The following ADAM8 variants were observed in gnomAD, a reference collection of about 807,000 sequenced individuals.
The protein encoded by ADAM8 is ADAM metallopeptidase domain 8.
In ADAM8, 104 loss-of-function variants were observed where a neutral mutation model predicts 102.4. The ratio of observed to expected loss-of-function variants is 1.02; its 90% CI spans 0.87 to 1.20. ADAM8 has a LOEUF of 1.20. Ranked by LOEUF, ADAM8 falls within the 50% of genes most tolerant of loss-of-function variation. ADAM8 has a pLI of 0.00. For synonymous variants in ADAM8, 517 were observed against 485.2 expected, an observed-to-expected ratio of 1.07 and a Z score of -0.86; for missense variants, 1,132 against 1,159.0, an observed-to-expected ratio of 0.98 and a Z score of 0.34.
At chr10:133,271,491 C>A in intron 12 of ADAM8, 37 bp downstream of exon 12, 1 of 1,522,894 alleles carries the variant, frequency 6.6e-7, no homozygotes, top group Non-Finnish European at 8.9e-7. Context: ...TTGTGGCACC[C>A]AGTGCTGACG....
intron 21 of ADAM8, among the ~76,000 whole-genome samples, chr10:133,264,887 G>C (rs1280885015): frequency 7.5e-6 from 1 of 132,672 alleles, no homozygotes; most frequent in Non-Finnish European, 1.6e-5. Context: ...TGCAGCCTCT[G>C]CCCCATCTAC....
intron 2 of ADAM8, 83 bp from the exon 3 acceptor site, chr10:133,274,318 T>TG (rs1021122398): frequency 3.5e-5 from 42 of 1,185,602 alleles, no homozygotes; most frequent in African/African-American, 3.1e-4. Flanking sequence ...GAAGCTCAGC[T>TG]GGGGGGGAAG....
intron 21 of ADAM8, among the ~76,000 whole-genome samples, chr10:133,265,715 A>G (rs1417135624): frequency 1.3e-5 from 2 of 151,966 alleles, no homozygotes; most frequent in Admixed American, 6.6e-5. Context: ...GGAGAATGGC[A>G]TGAACCTGAG....
chr10:133,263,582 T>A (rs1305433411), intron 22 of ADAM8, 106 bp downstream of exon 22: 2 of 88,698 alleles, frequency 2.3e-5, no homozygotes, highest in Non-Finnish European at 3.3e-5. Flanking sequence ...CCACAGATAA[T>A]CAGAAAAAAA....
intron 20 of ADAM8, 42 bp from the exon 21 acceptor site, chr10:133,267,459 C>T (rs952071592): frequency 1.2e-5 from 19 of 1,557,034 alleles, no homozygotes; most frequent in Non-Finnish European, 1.7e-5. Context: ...GAGCTGGGAC[C>T]CCCGTGCCCC....
At position 133,270,412 on chromosome 10, in the gene ADAM8, T is replaced by A. The variant is rs771599460; in HGVS notation, c.1733A>T (p.Asp578Val). ...VDVCHALTTE[D>V]GTAYEPVPEG... is the part of the protein sequence containing the mutation. ...GGGCACTGGTTCATACGCAGTGCCA[T>A]CCTCTGTGGTGAGCGCGTGGCACAC... is the stretch of plus-strand genomic sequence containing the variant. Residue 578 changes from aspartate to valine, a missense_variant, in exon 16 of 23, where the codon GAT becomes GTT. Physicochemically the swap from Asp to Val is radical, Grantham distance 152. Coordinates refer to ENST00000445355, the MANE Select transcript of ADAM8 (RefSeq NM_001109.5). 4.4e-6 allele frequency: 7 copies of A among 1,602,220 alleles called. 1 individual carries two copies. In the South Asian group the frequency reaches 7.7e-5, roughly 18 times the overall value.
chr10:133,271,608 G>A lies in ADAM8; in HGVS notation c.1204C>T (p.Leu402Phe), dbSNP rs909872195. ...ACGGGGCCGCCCACCAGGTGGCTGA[G>A]GTCAGGGGCGTTGGCGAGGCACACC... ...QSVCLANAPD[L>F]SHLVGGPVCG... Residue 402 changes from leucine (L) to phenylalanine (F), a missense_variant, in exon 12 of 23, where the codon CTC becomes TTC. Physicochemically the swap from Leu to Phe is conservative, Grantham distance 22 (BLOSUM62 0). Coordinates refer to ENST00000445355, the MANE Select transcript of ADAM8 (RefSeq NM_001109.5). 6 of 1,557,190 alleles carry A rather than the reference G, an allele frequency of 3.9e-6. No individual in the cohort carries two copies. The African/African-American group carries it at 4.1e-5, about 11-fold the overall frequency.
chr10:133,268,227 A>G lies in ADAM8; in HGVS notation c.2064-109T>C, dbSNP rs1247296942. 1.9e-5 allele frequency: 20 copies of G among 1,036,820 alleles called. 1 individual carries two copies. Among genetic ancestry groups the G allele is most frequent in the Non-Finnish European group, 2.5e-5 (20 of 795,668 alleles). 64.2% of individuals were successfully genotyped at this position (1,036,820 alleles called of 1,614,324 possible). On this transcript the variant is annotated intron_variant, in intron 19 of 22. Coordinates refer to ENST00000445355, the MANE Select transcript of ADAM8 (RefSeq NM_001109.5). ...AGCCGACCCGAGAGGCTTCAGGGCG[A>G]GAGGTTGTGGCCATGAGAGACAGAC...
intron 4 of ADAM8, 51 bp downstream of exon 4, chr10:133,273,895 CGGGGA>C: frequency 6.4e-7 from 1 of 1,553,548 alleles, no homozygotes; most frequent in Non-Finnish European, 8.7e-7. Context: ...CCCACAGGCT[CGGGGA>C]GGGCCGCCCA....
At chr10:133,273,586 G>A in intron 5 of ADAM8, 143 bp from the exon 6 acceptor site, 1 of 1,266,344 alleles carries the variant, frequency 7.9e-7, no homozygotes, top group South Asian at 1.5e-5. Flanking sequence ...AGGCCCCAGG[G>A]TACAGGAGGG....
chr10:133,269,612 C>A (rs1420671472), intron 17 of ADAM8, 83 bp from the exon 18 acceptor site: 2 of 1,359,924 alleles, frequency 1.5e-6, no homozygotes, highest in East Asian at 2.5e-5. Flanking sequence ...ATGAGGGCCC[C>A]GGGCCAGCCC....
At position 133,267,426 on chromosome 10, in the gene ADAM8, G is replaced by GAC; in HGVS notation, c.2254-11_2254-10dup. 1 of 1,605,392 alleles carries GAC rather than the reference G, an allele frequency of 6.2e-7. No individual in the cohort carries two copies. The highest frequency in any genetic ancestry group is 8.5e-7 in the Non-Finnish European group (1 of 1,177,430). On this transcript the variant is annotated splice_polypyrimidine_tract_variant and intron_variant, in intron 20 of 22. Coordinates refer to ENST00000445355, the MANE Select transcript of ADAM8 (RefSeq NM_001109.5). Reference sequence around the variant, plus strand: ...GACACAGTGACCGGAGGCTGGAGGAGACAGGGCCGAGAGCCTGGGTCAGAG... The same window carrying GAC: ...GACACAGTGACCGGAGGCTGGAGGAGACACAGGGCCGAGAGCCTGGGTCAGAG...
At chr10:133,271,426 C>A in intron 12 of ADAM8, 102 bp downstream of exon 12, 1 of 1,471,364 alleles carries the variant, frequency 6.8e-7, no homozygotes. Flanking sequence ...ACCCACAGAG[C>A]CCCAAGTTCC....
Position 133,274,146 on chromosome 10 carries a change from G to C in ADAM8, c.227+13C>G. 4 of 1,584,354 alleles carry C rather than the reference G, an allele frequency of 2.5e-6. No individual in the cohort carries two copies. The highest frequency in any genetic ancestry group is 2.6e-6 in the Non-Finnish European group (3 of 1,164,846). Reference sequence around the variant, plus strand: ...CAGGCCCGGGCAGGGGGGCCGACCCGAGACCCACTCACCTGTTCTTCCGCA... The same window carrying C: ...CAGGCCCGGGCAGGGGGGCCGACCCCAGACCCACTCACCTGTTCTTCCGCA... On this transcript the variant is annotated intron_variant, in intron 3 of 22. Coordinates refer to ENST00000445355, the MANE Select transcript of ADAM8 (RefSeq NM_001109.5).
At chr10:133,266,711 C>G (rs1033612715) in intron 21 of ADAM8, among the ~76,000 whole-genome samples, 25 of 152,316 alleles carry the variant, frequency 1.6e-4, no homozygotes, top group African/African-American at 5.8e-4. Flanking sequence ...GCTGCCCTAG[C>G]TGAGTCAGTG....
rs538975173 is a variant in ADAM8, at chr10:133,267,590, T to G, written c.2254-173A>C. ...CCCGCCCCATTCCTCCCCTCAGCCGTGTGATCCCGAGCTGGGGGCCGGAGA... is the reference window on the plus strand; with the variant it reads ...CCCGCCCCATTCCTCCCCTCAGCCGGGTGATCCCGAGCTGGGGGCCGGAGA... On this transcript the variant is annotated intron_variant, in intron 20 of 22. Coordinates refer to ENST00000445355, the MANE Select transcript of ADAM8 (RefSeq NM_001109.5). Among the ~76,000 whole-genome samples the G allele has an allele frequency of 3.3e-5, 5 of 152,244 alleles. No individual in the cohort carries two copies. In the South Asian group the frequency reaches 1.0e-3, roughly 32 times the overall value.
chr10:133,273,281 C>A lies in ADAM8; in HGVS notation c.546G>T (p.Thr182=), dbSNP rs778121172. 2 of 1,599,728 alleles carry A rather than the reference C, an allele frequency of 1.3e-6. No individual in the cohort carries two copies. Among genetic ancestry groups the A allele is most frequent in the Non-Finnish European group, 8.5e-7 (1 of 1,174,676 alleles). The change falls in exon 6 of 23, where the codon ACG becomes ACT. Residue 182 remains threonine (T), a synonymous_variant. Coordinates refer to ENST00000445355, the MANE Select transcript of ADAM8 (RefSeq NM_001109.5). ...DSLGSLLGPR[T]AAVFRPRPGD... is the part of the protein sequence containing the mutation. ...CGGGCCGAGGCCTGAAGACGGCTGC[C>A]GTCCGGGGTCCCAGGAGGCTGCCCA...
intron 18 of ADAM8, 132 bp from the exon 19 acceptor site, chr10:133,268,994 T>G: frequency 1.8e-5 from 26 of 1,458,652 alleles, no homozygotes; most frequent in Non-Finnish European, 2.3e-5. Flanking sequence ...GAGGACCTGG[T>G]ACCTTACACT....
At chr10:133,272,928 C>G (rs1846599493) in intron 7 of ADAM8, 29 bp downstream of exon 7, 4 of 1,612,468 alleles carry the variant, frequency 2.5e-6, no homozygotes, top group Non-Finnish European at 3.4e-6. Context: ...CCGCCGGCTG[C>G]TCTCCCACCT....
Sources: allele counts gnomAD v4.1 joint callset (sites outside exome capture counted in the v4.1 genomes callset), GRCh38; gene constraint gnomAD v4.1.1; transcripts MANE v1.5; gene names NCBI Gene and HGNC (gene_info 2026-07-23, HGNC 2026-07-21).